ECHDC3: variants seen among roughly 807,000 people sequenced by gnomAD.
ECHDC3 encodes the protein enoyl-CoA hydratase domain-containing protein 3, mitochondrial.
A neutral mutation model predicts 17.9 loss-of-function variants in ECHDC3; 20 were observed. That is an observed-to-expected ratio of 1.12 (90% CI 0.79 to 1.63). ECHDC3 has a LOEUF of 1.63. Among genes scored for constraint, ECHDC3 ranks in the 40% most tolerant of loss-of-function variants. The pLI is 0.00. For missense variants in ECHDC3, 407 were observed against 357.7 expected, an observed-to-expected ratio of 1.14 and a Z score of -1.11; for synonymous variants, 177 against 149.7, an observed-to-expected ratio of 1.18 and a Z score of -1.33.
At chr10:11,760,384 C>A (rs990968033) in intron 4 of ECHDC3, among the ~76,000 whole-genome samples, 11 of 152,368 alleles carry the variant, frequency 7.2e-5, no homozygotes, top group Admixed American at 2.6e-4. Flanking sequence ...TGCAGCTACA[C>A]ACTGCCGGCC....
At chr10:11,742,814 C>A in intron 1 of ECHDC3, 68 bp downstream of exon 1, 1 of 1,221,358 alleles carries the variant, frequency 8.2e-7, no homozygotes, top group Non-Finnish European at 1.0e-6. Flanking sequence ...GCCATTGACC[C>A]GGGGAGGACC....
chr10:11,751,402 A>G (rs1832821576), intron 3 of ECHDC3, among the ~76,000 whole-genome samples: 1 of 152,226 alleles, frequency 6.6e-6, no homozygotes, highest in Non-Finnish European at 1.5e-5. Context: ...AAGTGTATTG[A>G]TATCTTTAAA....
chr10:11,754,899 A>C (rs1832868203), intron 3 of ECHDC3, among the ~76,000 whole-genome samples: 1 of 152,234 alleles, frequency 6.6e-6, no homozygotes, highest in South Asian at 2.1e-4. Flanking sequence ...ACCAAATTAC[A>C]GTGCCTGGTT....
chr10:11,748,408 T>C (rs1030266218), intron 2 of ECHDC3, among the ~76,000 whole-genome samples: 6 of 152,134 alleles, frequency 3.9e-5, no homozygotes, highest in African/African-American at 1.2e-4. Context: ...TTATTTTTTG[T>C]GGAGATGGTG....
In ECHDC3 at chr10:11,763,437, C is replaced by G. The variant is rs780094637; in HGVS notation, c.805C>G (p.Leu269Val). ...CCAGGACCTGGGGACGGCTTACTAC[C>G]TCACCTCCCAGGCCATGGTGGACAA... ...LPQDLGTAYY[L>V]TSQAMVDNLA... Residue 269 changes from leucine to valine, a missense_variant, in exon 5 of 5, where the codon CTC (leucine) becomes GTC (valine). Leu to Val is a conservative substitution (Grantham distance 32, BLOSUM62 1). Transcript: ENST00000379215. This position sits in a 1 kb window ranked among gnomAD's most constrained non-coding sequence, Gnocchi z 4.9. 1 of 855,450 alleles carries G rather than the reference C, an allele frequency of 1.2e-6. No individual in the cohort carries two copies. The highest frequency in any genetic ancestry group is 2.0e-6 in the Non-Finnish European group (1 of 496,560). The allele number at this position is 855,450 out of a possible 1,614,324, so 53.0% of individuals were successfully genotyped here. A position where few individuals can be genotyped will look rare whatever the true frequency, so the allele number is the denominator to read the frequency against.
At chr10:11,757,659 G>A (rs931946086) in intron 4 of ECHDC3, among the ~76,000 whole-genome samples, 1 of 152,150 alleles carries the variant, frequency 6.6e-6, no homozygotes, top group Non-Finnish European at 1.5e-5. Context: ...CTGTCAACAA[G>A]CCCTTGCACG....
chr10:11,755,509 C>T lies in ECHDC3; in HGVS notation c.492C>T (p.Ala164=), dbSNP rs1022974571. Residue 164 remains alanine (A), a synonymous_variant, in exon 4 of 5, where the codon GCC becomes GCT. Transcript: ENST00000379215. Reference sequence around the variant, plus strand: ...AACTGGTTGCCAGCTGCGACATTGCCGTGGCGAGCGACAAGTCCTCTTTTG... The same window carrying T: ...AACTGGTTGCCAGCTGCGACATTGCTGTGGCGAGCGACAAGTCCTCTTTTG... ...GCQLVASCDI[A]VASDKSSFAT... 7.1e-5 allele frequency: 114 copies of T among 1,614,086 alleles called. No homozygotes were observed. Among genetic ancestry groups the T allele is most frequent in the Non-Finnish European group, 9.3e-5 (110 of 1,180,014 alleles).
At chr10:11,762,322 C>A (rs1832962849) in intron 4 of ECHDC3, among the ~76,000 whole-genome samples, 1 of 152,118 alleles carries the variant, frequency 6.6e-6, no homozygotes, top group Non-Finnish European at 1.5e-5. Context: ...GGAAAAGTCA[C>A]CCCAGGCAGA....
chr10:11,755,703 T>A, intron 4 of ECHDC3, 95 bp downstream of exon 4: 2 of 1,221,814 alleles, frequency 1.6e-6, no homozygotes, highest in Non-Finnish European at 2.3e-6. Flanking sequence ...TTGTTAAAAG[T>A]GCCTTTCATA....
chr10:11,748,543 A>G (rs980972131), intron 2 of ECHDC3, among the ~76,000 whole-genome samples: 3 of 152,038 alleles, frequency 2.0e-5, no homozygotes, highest in African/African-American at 7.2e-5. Flanking sequence ...CTTCTTAACT[A>G]CATAATTACC....
At chr10:11,756,204 G>T (rs1302175569) in intron 4 of ECHDC3, among the ~76,000 whole-genome samples, 1 of 152,190 alleles carries the variant, frequency 6.6e-6, no homozygotes, top group Non-Finnish European at 1.5e-5. Flanking sequence ...TTGCAAAGTG[G>T]TTTTGTTAAC....
Position 11,763,069 on chromosome 10 carries a change from G to A in ECHDC3, c.592-155G>A, listed in dbSNP as rs557649238. Reference sequence around the variant, plus strand: ...GGTTTCTTCGCTCTTGGAAAGATCCGCTCTCCTCCCGGGCAGGAGTTAGGG... The same window carrying A: ...GGTTTCTTCGCTCTTGGAAAGATCCACTCTCCTCCCGGGCAGGAGTTAGGG... On this transcript the variant is annotated intron_variant, in intron 4 of 4. Transcript: ENST00000379215. This position sits in a 1 kb window ranked among gnomAD's most constrained non-coding sequence, Gnocchi z 4.9. Among the ~76,000 whole-genome samples the A allele has an allele frequency of 2.6e-5, 4 of 152,228 alleles. No homozygotes were observed. The highest frequency in any genetic ancestry group is 3.9e-4 in the East Asian group (2 of 5,182).
At chr10:11,751,623 C>G (rs930980775) in intron 3 of ECHDC3, among the ~76,000 whole-genome samples, 1 of 152,140 alleles carries the variant, frequency 6.6e-6, no homozygotes, top group African/African-American at 2.4e-5. Context: ...CAATTGGTTA[C>G]AGATGACAAG....
chr10:11,757,137 C>T (rs1764513574), intron 4 of ECHDC3, among the ~76,000 whole-genome samples: 1 of 152,194 alleles, frequency 6.6e-6, no homozygotes, highest in Admixed American at 6.5e-5. Flanking sequence ...ACTTACAAGG[C>T]CTTTGTCTAA....
chr10:11,756,924 G>A (rs185783747), intron 4 of ECHDC3, among the ~76,000 whole-genome samples: 105 of 152,224 alleles, frequency 6.9e-4, no homozygotes, highest in African/African-American at 2.4e-3. Flanking sequence ...TCGTAGAGAT[G>A]GGGTTTCACC....
At chr10:11,747,257 TA>T in intron 1 of ECHDC3, 91 bp from the exon 2 acceptor site, 1 of 1,527,618 alleles carries the variant, frequency 6.5e-7, no homozygotes, top group Non-Finnish European at 8.8e-7. Context: ...TCTTGTCTGT[TA>T]AAAATACCTC....
intron 2 of ECHDC3, among the ~76,000 whole-genome samples, chr10:11,749,051 C>G (rs1434863834): frequency 6.6e-6 from 1 of 152,196 alleles, no homozygotes; most frequent in Non-Finnish European, 1.5e-5. Context: ...CTACCCTCAC[C>G]TTCCCACTTC....
chr10:11,759,850 G>A (rs534748901), intron 4 of ECHDC3, among the ~76,000 whole-genome samples: 1 of 152,382 alleles, frequency 6.6e-6, no homozygotes, highest in African/African-American at 2.4e-5. Context: ...GCCCAGGACT[G>A]TTATTATACG....
intron 1 of ECHDC3, among the ~76,000 whole-genome samples, chr10:11,743,194 G>A (rs879802389): frequency 1.3e-5 from 2 of 152,202 alleles, no homozygotes; most frequent in Non-Finnish European, 2.9e-5. Flanking sequence ...GTGCTTGTAC[G>A]CCAACTGGAA....
Sources: allele counts gnomAD v4.1 joint callset (sites outside exome capture counted in the v4.1 genomes callset), GRCh38; gene constraint gnomAD v4.1.1; non-coding constraint Gnocchi (gnomAD v3.1); transcripts MANE v1.5; gene names NCBI Gene and HGNC (gene_info 2026-07-23, HGNC 2026-07-21).